ITSN1: variants seen among roughly 807,000 people sequenced by gnomAD.
ITSN1 encodes the protein intersectin 1, also known as intersectin-1.
Under a neutral mutation model 239.8 loss-of-function variants are expected in ITSN1, and 58 were observed. That is an observed-to-expected ratio of 0.24 (90% CI 0.20 to 0.30). The LOEUF (loss-of-function observed/expected upper bound fraction) is 0.30, where lower values mean the gene tolerates loss of function less well. Among genes scored for constraint, ITSN1 ranks in the 10% least tolerant of loss-of-function variants. ITSN1 has a pLI of 1.00. For synonymous variants in ITSN1, 780 were observed against 770.8 expected (o/e 1.01, Z -0.20); for missense variants, 1,558 against 2,103.3 (o/e 0.74, Z 5.07).
intron 31 of ITSN1, among the ~76,000 whole-genome samples, chr21:33,862,164 C>CAAA (rs59129090): frequency 5.1e-3 from 408 of 79,534 alleles, no homozygotes; most frequent in African/African-American, 0.015. Context: ...GACTGTGTCA[C>CAAA]AAAAAAAAAA....
intron 34 of ITSN1, among the ~76,000 whole-genome samples, chr21:33,879,215 G>A (rs1182996989): frequency 6.6e-6 from 1 of 152,194 alleles, no homozygotes; most frequent in East Asian, 1.9e-4. Context: ...ACCAGGTGTG[G>A]TGGCATGCAC....
At chr21:33,716,822 C>T (rs1338047784) in intron 1 of ITSN1, among the ~76,000 whole-genome samples, 1 of 151,344 alleles carries the variant, frequency 6.6e-6, no homozygotes, top group Admixed American at 6.6e-5. Flanking sequence ...CATGGTGGGG[C>T]GAGCCTGTAA....
intron 29 of ITSN1, among the ~76,000 whole-genome samples, chr21:33,851,526 G>A (rs1213746352): frequency 3.3e-5 from 5 of 151,446 alleles, no homozygotes; most frequent in Non-Finnish European, 5.9e-5. Context: ...AGCCTCCCGA[G>A]TAGCTGGGAT....
intron 25 of ITSN1, among the ~76,000 whole-genome samples, chr21:33,824,184 A>G: frequency 6.6e-6 from 1 of 152,226 alleles, no homozygotes; most frequent in South Asian, 2.1e-4. Flanking sequence ...TCCGTTGATC[A>G]GGACTGAATT....
chr21:33,813,918 C>T lies in ITSN1; in HGVS notation c.2573C>T (p.Pro858Leu). 6.2e-7 allele frequency: 1 copy of T among 1,613,478 alleles called. No individual in the cohort carries two copies. Among genetic ancestry groups the T allele is most frequent in the South Asian group, 1.1e-5 (1 of 91,060 alleles). Residue 858 changes from proline (P) to leucine (L), a missense_variant, in exon 22 of 40, where the codon CCC becomes CTC. Pro to Leu is a moderately conservative substitution (Grantham distance 98, BLOSUM62 -3). Around this residue, in one of 2 missense-constraint regions of ITSN1, gnomAD observed 982 missense variants for 1,209.9 expected, o/e 0.81. Coordinates refer to ENST00000381318, the MANE Select transcript of ITSN1 (RefSeq NM_003024.3). ...TGTTGTGCTTTTCCCTCCAGGTGGC[C>T]CACCAGCACGAATGAGAAACCAGAA... Reference protein sequence around the residue: ...NNWADFSSTWPTSTNEKPETD... With the variant: ...NNWADFSSTWLTSTNEKPETD...
chr21:33,650,960 G>A (rs1247207092), intron 1 of ITSN1, among the ~76,000 whole-genome samples: 2 of 152,214 alleles, frequency 1.3e-5, no homozygotes, highest in Admixed American at 1.3e-4. Flanking sequence ...TTCTTTAAAT[G>A]ATTACAGGAG....
At chr21:33,781,206 A>G (rs531957923) in intron 14 of ITSN1, among the ~76,000 whole-genome samples, 3 of 152,332 alleles carry the variant, frequency 2.0e-5, no homozygotes, top group Non-Finnish European at 1.5e-5. Context: ...TTTGAAGCTT[A>G]TAAATATCCG....
intron 1 of ITSN1, among the ~76,000 whole-genome samples, chr21:33,658,920 T>C (rs1125036): frequency 0.6 from 90,935 of 151,836 alleles, 27,529 homozygotes; most frequent in East Asian, 0.72. Flanking sequence ...TCATAATGAG[T>C]CCTTTTGGAT....
intron 9 of ITSN1, among the ~76,000 whole-genome samples, chr21:33,765,262 C>T (rs1481899198): frequency 6.6e-6 from 1 of 152,152 alleles, no homozygotes; most frequent in Non-Finnish European, 1.5e-5. Flanking sequence ...CCTATAATCC[C>T]AGCGATTTGA....
chr21:33,776,851 A>T (rs2069672852), intron 14 of ITSN1, among the ~76,000 whole-genome samples: 1 of 152,074 alleles, frequency 6.6e-6, no homozygotes, highest in South Asian at 2.1e-4. Context: ...ATTTTCTCCC[A>T]ATCTGGCTTG....
intron 29 of ITSN1, chr21:33,837,009 C>A (rs773176538): frequency 3.1e-6 from 5 of 1,613,420 alleles, no homozygotes; most frequent in Non-Finnish European, 4.2e-6. Flanking sequence ...GTCCATCCCC[C>A]CCTCAGGCTT....
chr21:33,883,009 G>A (rs1297197945), intron 35 of ITSN1, among the ~76,000 whole-genome samples: 1 of 152,162 alleles, frequency 6.6e-6, no homozygotes, highest in Non-Finnish European at 1.5e-5. Flanking sequence ...AAATTTGTCT[G>A]CATGGGGGTG....
rs1986872303 is a variant in ITSN1 at position 33,897,886 on chromosome 21, T to C, written c.*9586T>C. The C allele has an allele frequency of 6.6e-6, 1 of 151,998 alleles. No homozygotes were observed. The highest frequency in any genetic ancestry group is 1.5e-5 in the Non-Finnish European group (1 of 68,006). The allele number at this position is 151,998 out of a possible 1,614,324, so 9.4% of individuals were successfully genotyped here. A position where few individuals can be genotyped will look rare whatever the true frequency, so the allele number is the denominator to read the frequency against. On this transcript the variant is annotated 3_prime_UTR_variant, in exon 40 of 40. Coordinates refer to ENST00000381318, the MANE Select transcript of ITSN1 (RefSeq NM_003024.3). ...TATTAAAAAAAAATTCCAAGTTGTA[T>C]ATGTTAGAAATCAAATGAGTCATTT...
intron 1 of ITSN1, among the ~76,000 whole-genome samples, chr21:33,714,109 C>T (rs1249535271): frequency 1.3e-5 from 2 of 149,846 alleles, no homozygotes; most frequent in Admixed American, 6.7e-5. Flanking sequence ...GAATTACAGG[C>T]GTGAGCCACC....
At chr21:33,761,082 G>GT (rs975584742) in intron 8 of ITSN1, among the ~76,000 whole-genome samples, 9 of 123,050 alleles carry the variant, frequency 7.3e-5, no homozygotes, top group African/African-American at 2.7e-4. Context: ...GTTTTGTTTT[G>GT]TTTTTTTAAT....
At chr21:33,798,683 G>GA (rs975386550) in intron 18 of ITSN1, among the ~76,000 whole-genome samples, 1 of 152,056 alleles carries the variant, frequency 6.6e-6, no homozygotes, top group Non-Finnish European at 1.5e-5. Flanking sequence ...AGAAAAGAAA[G>GA]AAAAAACACT....
At chr21:33,752,572 T>A (rs2067629674) in intron 7 of ITSN1, among the ~76,000 whole-genome samples, 1 of 152,184 alleles carries the variant, frequency 6.6e-6, no homozygotes, top group Non-Finnish European at 1.5e-5. Flanking sequence ...GAAGAGAAAT[T>A]AAGTCTCTTT....
At chr21:33,795,225 C>T (rs1039475089) in intron 17 of ITSN1, among the ~76,000 whole-genome samples, 9 of 152,048 alleles carry the variant, frequency 5.9e-5, no homozygotes, top group African/African-American at 1.4e-4. Context: ...CCGAGGTGGG[C>T]GGATCACGAG....
rs1266877010 is a variant in ITSN1 at position 33,755,341 on chromosome 21, T to G, written c.668T>G (p.Leu223Arg). The G allele has an allele frequency of 1.2e-5, 19 of 1,611,954 alleles. No homozygotes were observed. The highest frequency in any genetic ancestry group is 1.4e-5 in the Non-Finnish European group (16 of 1,178,708). ...TGGGCTGTTCCTCAGTCATCAAGAC[T>G]GAAATACAGGCAATTATTCAATAGT... ...AEWAVPQSSR[L>R]KYRQLFNSHD... The change falls in exon 8 of 40, where the codon CTG becomes CGG. Residue 223 changes from leucine (L) to arginine (R), a missense_variant. Leu to Arg is a moderately radical substitution (Grantham distance 102, BLOSUM62 -2). Coordinates refer to ENST00000381318, the MANE Select transcript of ITSN1 (RefSeq NM_003024.3).
Sources: gnomAD v4.1 joint callset for allele counts (sites outside exome capture counted in the v4.1 genomes callset) on GRCh38, gnomAD v4.1.1 for gene constraint, gnomAD v4.1.1 regional missense constraint, MANE v1.5 for transcripts, NCBI Gene and HGNC (gene_info 2026-07-23, HGNC 2026-07-21) for gene names.